PIEZO2: variants seen among roughly 807,000 people sequenced by gnomAD.
PIEZO2 encodes the protein piezo-type mechanosensitive ion channel component 2.
Under a neutral mutation model 337.3 loss-of-function variants are expected in PIEZO2, and 172 were observed. The observed-to-expected ratio is 0.51, with a 90% CI of 0.45 to 0.58. The LOEUF is 0.58. Among genes scored for constraint, PIEZO2 ranks in the 20% least tolerant of loss-of-function variants. The probability of loss-of-function intolerance (pLI) is 0.00; values close to 1 mark genes in which losing one functional copy is unlikely to be tolerated. For synonymous variants in PIEZO2, 1,251 were observed against 1,228.5 expected, an observed-to-expected ratio of 1.02 and a Z score of -0.38; for missense variants, 3,028 against 3,391.3, an observed-to-expected ratio of 0.89 and a Z score of 2.66.
Position 10,974,387 on chromosome 18 carries a change from C to T in PIEZO2, c.286+5148G>A, listed in dbSNP as rs191602497. Among the ~76,000 whole-genome samples, 17 of 152,260 alleles carry T rather than the reference C, an allele frequency of 1.1e-4. No homozygotes were observed. The South Asian group carries it at 3.5e-3, about 32-fold the overall frequency. On this transcript the variant is annotated intron_variant, in intron 3 of 55. Coordinates refer to ENST00000674853, the MANE Select transcript of PIEZO2 (RefSeq NM_001378183.1). Reference sequence around the variant, plus strand: ...GGAAAGAGCAATGCATCTGAGGGGGCTAACCTTTGGGGGAAGCTGAATCCA... The same window carrying T: ...GGAAAGAGCAATGCATCTGAGGGGGTTAACCTTTGGGGGAAGCTGAATCCA...
intron 2 of PIEZO2, among the ~76,000 whole-genome samples, chr18:11,024,021 G>A (rs962806615): frequency 2.6e-5 from 4 of 152,158 alleles, no homozygotes; most frequent in Admixed American, 6.5e-5. Flanking sequence ...TCCCGCCTGC[G>A]CCTCTCCCTC....
At chr18:10,686,395 A>C (rs560196259) in intron 49 of PIEZO2, among the ~76,000 whole-genome samples, 8 of 152,268 alleles carry the variant, frequency 5.3e-5, no homozygotes, top group Non-Finnish European at 1.2e-4. Flanking sequence ...AAGGTAAACC[A>C]GGAAAGAACC....
chr18:10,687,720 T>C (rs2034609846), intron 49 of PIEZO2, among the ~76,000 whole-genome samples: 1 of 152,186 alleles, frequency 6.6e-6, no homozygotes, highest in African/African-American at 2.4e-5. Context: ...TTCCCTCTCG[T>C]TCTCTTGGAA....
At position 10,996,468 on chromosome 18, in the gene PIEZO2, G is replaced by A. The variant is rs148757241; in HGVS notation, c.161-16808C>T. Among the ~76,000 whole-genome samples, 10 of 152,146 alleles carry A rather than the reference G, an allele frequency of 6.6e-5. No homozygotes were observed. In the East Asian group the frequency reaches 1.2e-3, roughly 18 times the overall value. On this transcript the variant is annotated intron_variant, in intron 2 of 55. Coordinates refer to ENST00000674853, the MANE Select transcript of PIEZO2 (RefSeq NM_001378183.1). ...AGTAAATAACTTCCAAAACATTGTC[G>A]TCACTCCAAAAGCAGCCATTAAGCA...
chr18:11,040,676 C>A (rs1259534517), intron 2 of PIEZO2, among the ~76,000 whole-genome samples: 1 of 152,148 alleles, frequency 6.6e-6, no homozygotes, highest in Non-Finnish European at 1.5e-5. Context: ...TTTCTGAAAT[C>A]ATTCCTCCTA....
intron 1 of PIEZO2, among the ~76,000 whole-genome samples, chr18:11,133,808 G>GTATATATA (rs145467043): frequency 6.8e-6 from 1 of 147,014 alleles, no homozygotes; most frequent in Non-Finnish European, 1.5e-5. Context: ...ATATATGTGT[G>GTATATATA]TATATATATA....
intron 3 of PIEZO2, among the ~76,000 whole-genome samples, chr18:10,978,056 C>G (rs2034515134): frequency 6.6e-6 from 1 of 152,154 alleles, no homozygotes; most frequent in Admixed American, 6.5e-5. Flanking sequence ...GGTGTGGTGG[C>G]TCACGCCTGT....
At position 11,149,476 on chromosome 18, in the gene PIEZO2, C is replaced by G. The variant is rs752023021; in HGVS notation, c.-888G>C. Among the ~76,000 whole-genome samples, 1 of 151,898 alleles carries G rather than the reference C, an allele frequency of 6.6e-6. No individual in the cohort carries two copies. The highest frequency in any genetic ancestry group is 1.5e-5 in the Non-Finnish European group (1 of 67,940). On this transcript the variant is annotated 5_prime_UTR_variant, in exon 1 of 56. Coordinates refer to ENST00000674853, the MANE Select transcript of PIEZO2 (RefSeq NM_001378183.1). The surrounding 1 kb of genome is among the most constrained non-coding windows in gnomAD (Gnocchi z 8.7). ...CTCAAGAGAAAAACCAGCGCCGTCC[C>G]GTCGCCCAGCGCGACCACCGCCTGC... is the stretch of plus-strand genomic sequence containing the variant.
intron 1 of PIEZO2, among the ~76,000 whole-genome samples, chr18:11,123,921 G>C (rs372462286): frequency 5.4e-4 from 70 of 129,274 alleles, no homozygotes; most frequent in Middle Eastern, 4.4e-3. Flanking sequence ...TTAAAGAGTA[G>C]ATTTTAAGTG....
intron 1 of PIEZO2, among the ~76,000 whole-genome samples, chr18:11,114,753 G>A (rs2039839072): frequency 6.6e-6 from 1 of 152,164 alleles, no homozygotes; most frequent in African/African-American, 2.4e-5. Flanking sequence ...CAGTTAACAG[G>A]ACGGGATAGA....
chr18:10,841,323 C>T (rs140086838), intron 7 of PIEZO2, among the ~76,000 whole-genome samples: 17 of 152,192 alleles, frequency 1.1e-4, no homozygotes, highest in African/African-American at 3.9e-4. Context: ...TAAATTCCCT[C>T]CCCTGGTGCT....
At chr18:10,995,082 A>AAAAAAAAGAAAG (rs2035265803) in intron 2 of PIEZO2, among the ~76,000 whole-genome samples, 1 of 128,124 alleles carries the variant, frequency 7.8e-6, no homozygotes. Flanking sequence ...CGTCTCAAAA[A>AAAAAAAAGAAAG]AAAAAAAAAA....
At chr18:10,900,560 G>T (rs1432954096) in intron 4 of PIEZO2, among the ~76,000 whole-genome samples, 2 of 152,216 alleles carry the variant, frequency 1.3e-5, no homozygotes, top group Non-Finnish European at 2.9e-5. Flanking sequence ...ATGTTTGTCA[G>T]TCAGTACTTC....
chr18:10,941,855 T>C (rs1043536778), intron 3 of PIEZO2, among the ~76,000 whole-genome samples: 3 of 152,246 alleles, frequency 2.0e-5, no homozygotes. Context: ...AAATCTCATC[T>C]TGTAGCTCCC....
Position 10,871,401 on chromosome 18 carries a change from T to C in PIEZO2, c.344A>G (p.Asp115Gly). The C allele has an allele frequency of 6.5e-7, 1 of 1,536,754 alleles. No homozygotes were observed. The highest frequency in any genetic ancestry group is 1.2e-5 in the South Asian group (1 of 83,880). ...AAACACTCTGATCCCATTGCCAGCA[T>C]CAGCTCCCTTTAAGCTATAAAGGAA... ...QIGFESLKGA[D>G]AGNGIRVFVP... is the part of the protein sequence containing the mutation. The change falls in exon 5 of 56, where the codon GAT (aspartate) becomes GGT (glycine). Residue 115 changes from aspartate (D) to glycine (G), a missense_variant. Physicochemically the swap from Asp to Gly is moderately conservative, Grantham distance 94. Coordinates refer to ENST00000674853, the MANE Select transcript of PIEZO2 (RefSeq NM_001378183.1).
intron 1 of PIEZO2, among the ~76,000 whole-genome samples, chr18:11,068,629 AAAAGAAAAGCTAACCAAGCCC>A (rs1165485373): frequency 6.6e-6 from 1 of 152,150 alleles, no homozygotes; most frequent in Non-Finnish European, 1.5e-5. Flanking sequence ...AGGAACAAGA[AAAAGAAAAGCTAACCAAGCCC>A]AAAGTTGGTA....
chr18:10,857,176 C>A lies in PIEZO2; in HGVS notation c.528G>T (p.Leu176=), dbSNP rs747004037. 5 of 1,537,758 alleles carry A rather than the reference C, an allele frequency of 3.3e-6. No individual in the cohort carries two copies. Among genetic ancestry groups the A allele is most frequent in the Non-Finnish European group, 4.4e-6 (5 of 1,147,048 alleles). Residue 176 remains leucine, a synonymous_variant, in exon 6 of 56, where the codon CTG becomes CTT. Coordinates refer to ENST00000674853, the MANE Select transcript of PIEZO2 (RefSeq NM_001378183.1). ...EGEKIDSEEA[L]IYEEDFNGGD... ...CTCCATTGAAATCCTCTTCATAGAT[C>A]AGTGCCTCTTCTGAATCAATTTTTT... is the stretch of plus-strand genomic sequence containing the variant.
intron 5 of PIEZO2, among the ~76,000 whole-genome samples, chr18:10,865,703 G>C (rs761137065): frequency 2.0e-5 from 3 of 152,174 alleles, no homozygotes; most frequent in African/African-American, 7.2e-5. Flanking sequence ...CATTAAGTGG[G>C]TGGAAATTCT....
chr18:10,709,190 G>GT (rs1296422996), intron 39 of PIEZO2: 8 of 152,238 alleles, frequency 5.3e-5, no homozygotes, highest in African/African-American at 1.9e-4. Context: ...TTTAGGGCTT[G>GT]TTGGATGCCA....
Sources: gnomAD v4.1 joint callset for allele counts (sites outside exome capture counted in the v4.1 genomes callset) on GRCh38, gnomAD v4.1.1 for gene constraint, Gnocchi (gnomAD v3.1) non-coding constraint, MANE v1.5 for transcripts, NCBI Gene and HGNC (gene_info 2026-07-23, HGNC 2026-07-21) for gene names.